Variants in SLC25A42 observed in about 807,000 individuals in gnomAD.
The protein encoded by SLC25A42 is mitochondrial coenzyme A transporter SLC25A42.
A neutral mutation model predicts 34.7 loss-of-function variants in SLC25A42; 19 were observed. The observed-to-expected ratio is 0.55, with a 90% CI of 0.38 to 0.80. The LOEUF (loss-of-function observed/expected upper bound fraction) is 0.80. SLC25A42 is among the 30% of genes least tolerant of loss of function. SLC25A42 has a pLI of 0.00. For synonymous variants in SLC25A42, 205 were observed against 191.2 expected, an observed-to-expected ratio of 1.07 and a Z score of -0.59; for missense variants, 364 against 441.3, an observed-to-expected ratio of 0.82 and a Z score of 1.57.
rs1173332303 is a variant in SLC25A42, at chr19:19,081,201, C to A, written c.-34-14890C>A. Among the ~76,000 whole-genome samples, 3 of 151,372 alleles carry A rather than the reference C, an allele frequency of 2.0e-5. No individual in the cohort carries two copies. The highest frequency in any genetic ancestry group is 2.0e-4 in the Admixed American group (3 of 15,204). ...AGAGGAAGGGAAGAAGGAGAAATAC[C>A]CTCCCCACAGACTTGTCATTGGGGC... On this transcript the variant is annotated intron_variant, in intron 1 of 7. Coordinates refer to ENST00000318596, the MANE Select transcript of SLC25A42 (RefSeq NM_178526.5). The surrounding 1 kb of genome is among the most constrained non-coding windows in gnomAD (Gnocchi z 4.5).
At chr19:19,096,442 G>T (rs79910741) in intron 2 of SLC25A42, among the ~76,000 whole-genome samples, 15,342 of 151,824 alleles carry the variant, frequency 0.1, 1,100 homozygotes, top group Middle Eastern at 0.17. Flanking sequence ...CTGCTCCCAC[G>T]GCCCCAAATA....
chr19:19,108,002 C>G lies in SLC25A42; in HGVS notation c.606C>G (p.Gly202=). The G allele has an allele frequency of 6.2e-7, 1 of 1,609,458 alleles. No individual in the cohort carries two copies. The highest frequency in any genetic ancestry group is 1.1e-5 in the South Asian group (1 of 90,446). ...PTVLGVIPYA[G]LSFFTYETLK... ...TGCTGGGGGTCATTCCCTACGCTGG[C>G]CTGAGCTTCTTCACCTATGAGACGC... Residue 202 remains glycine, a synonymous_variant, in exon 7 of 8, where the codon GGC becomes GGG. Transcript: ENST00000318596.
At position 19,109,426 on chromosome 19, in the gene SLC25A42, G is replaced by A. The variant is rs539827330; in HGVS notation, c.650-1143G>A. 3.7e-4 allele frequency among the ~76,000 whole-genome samples: 56 copies of A among 152,300 alleles called. No individual in the cohort carries two copies. The highest frequency in any genetic ancestry group is 1.1e-3 in the African/African-American group (47 of 41,564). ...GCCCACCTGGTGAGCAGATCACAGT[G>A]TCTCCTGTCTGGCTGTTTTTTTGAG... On this transcript the variant is annotated intron_variant, in intron 7 of 7. Transcript: ENST00000318596. This position sits in a 1 kb window ranked among gnomAD's most constrained non-coding sequence, Gnocchi z 4.1.
intron 1 of SLC25A42, among the ~76,000 whole-genome samples, chr19:19,078,123 A>G (rs1362437947): frequency 1.3e-5 from 2 of 152,118 alleles, no homozygotes; most frequent in Non-Finnish European, 2.9e-5. Context: ...GCAGGTCTTC[A>G]AAGCTCCCAG....
At chr19:19,074,075 C>T (rs1456869449) in intron 1 of SLC25A42, among the ~76,000 whole-genome samples, 1 of 152,228 alleles carries the variant, frequency 6.6e-6, no homozygotes, top group Non-Finnish European at 1.5e-5. Context: ...ATGTGAGTAC[C>T]ATTCAGTACC....
rs2059629533 is a variant in SLC25A42, at chr19:19,071,445, G to A, written c.-35+7330G>A. Among the ~76,000 whole-genome samples, 3 of 152,154 alleles carry A rather than the reference G, an allele frequency of 2.0e-5. No individual in the cohort carries two copies. In the South Asian group the frequency reaches 6.2e-4, roughly 32 times the overall value. The stretch of plus-strand genomic sequence containing the variant: ...CACCAAGTGATTGGAGTTCCATATT[G>A]GTCAGTCTTGAGGAGAAGCTGGGGT... On this transcript the variant is annotated intron_variant, in intron 1 of 7. Coordinates refer to ENST00000318596, the MANE Select transcript of SLC25A42 (RefSeq NM_178526.5).
intron 2 of SLC25A42, among the ~76,000 whole-genome samples, chr19:19,100,044 AAAAATAG>A (rs1181339476): frequency 4.0e-5 from 6 of 151,818 alleles, no homozygotes; most frequent in Non-Finnish European, 5.9e-5. Context: ...TGGTCATATT[AAAAATAG>A]CCCATTTCGG....
At chr19:19,073,071 G>T (rs866792212) in intron 1 of SLC25A42, among the ~76,000 whole-genome samples, 3 of 152,250 alleles carry the variant, frequency 2.0e-5, no homozygotes, top group Non-Finnish European at 4.4e-5. Context: ...AACACAGTGT[G>T]TGGTGGCAGG....
chr19:19,104,872 C>T, intron 3 of SLC25A42, 41 bp from the exon 4 acceptor site: 1 of 1,613,604 alleles, frequency 6.2e-7, no homozygotes, highest in Non-Finnish European at 8.5e-7. Context: ...GAGGTTCTGT[C>T]CTTTGCATCT....
At chr19:19,096,254 T>TCCCCCCCCCCCCCCCCCCCCCCCCCC in intron 2 of SLC25A42, 49 bp downstream of exon 2, 1 of 1,456,752 alleles carries the variant, frequency 6.9e-7, no homozygotes, top group Non-Finnish European at 9.4e-7. Context: ...GGCCCCAGCC[T>TCCCCCCCCCCCCCCCCCCCCCCCCCC]CCCCACCCCC....
chr19:19,080,098 G>A lies in SLC25A42; in HGVS notation c.-35+15983G>A, dbSNP rs571065288. On this transcript the variant is annotated intron_variant, in intron 1 of 7. Transcript: ENST00000318596. ...GATGGGTGGGAGTCAGGAGGAGAAC[G>A]GGTGTTCCGCATGTGTAGGCTTGTC... is the stretch of plus-strand genomic sequence containing the variant. Among the ~76,000 whole-genome samples, 4 of 152,308 alleles carry A rather than the reference G, an allele frequency of 2.6e-5. No homozygotes were observed. In the South Asian group the frequency reaches 6.2e-4, roughly 24 times the overall value.
In SLC25A42 at chr19:19,111,689, C is replaced by T. The variant is rs1439331435; in HGVS notation, c.*813C>T. ...GGGTCAGACCTGCATCCTGGGGCAT[C>T]TGCTGAAATGTGAGCACACAAACCA... On this transcript the variant is annotated 3_prime_UTR_variant, in exon 8 of 8. Coordinates refer to ENST00000318596, the MANE Select transcript of SLC25A42 (RefSeq NM_178526.5). 6.6e-6 allele frequency: 1 copy of T among 152,486 alleles called. No individual in the cohort carries two copies. The highest frequency in any genetic ancestry group is 2.4e-5 in the African/African-American group (1 of 41,464). 9.4% of individuals were successfully genotyped at this position (152,486 alleles called of 1,614,324 possible). A position where few individuals can be genotyped will look rare whatever the true frequency, so the allele number is the denominator to read the frequency against.
intron 1 of SLC25A42, among the ~76,000 whole-genome samples, chr19:19,074,043 A>G (rs1281290081): frequency 6.6e-6 from 1 of 152,204 alleles, no homozygotes; most frequent in East Asian, 1.9e-4. Flanking sequence ...CAGTTACTGA[A>G]GTAGACCCTC....
Position 19,110,849 on chromosome 19 carries a change from G to A in SLC25A42, c.930G>A (p.Gln310=). Residue 310 remains glutamine, a synonymous_variant, in exon 8 of 8, where the codon CAG becomes CAA. Coordinates refer to ENST00000318596, the MANE Select transcript of SLC25A42 (RefSeq NM_178526.5). The part of the protein sequence containing the change: ...GISFTTFDLM[Q]ILLRHLQS ...GCTTCACCACCTTCGACCTCATGCA[G>A]ATCCTGCTGCGGCACCTGCAGAGCT... The A allele has an allele frequency of 6.2e-7, 1 of 1,613,958 alleles. No individual in the cohort carries two copies. Among genetic ancestry groups the A allele is most frequent in the Non-Finnish European group, 8.5e-7 (1 of 1,180,020 alleles).
chr19:19,089,882 A>AAAAACAAAAAC (rs1472965232), intron 1 of SLC25A42, among the ~76,000 whole-genome samples: 2 of 152,156 alleles, frequency 1.3e-5, no homozygotes, highest in Non-Finnish European at 2.9e-5. Flanking sequence ...AAACAAAAAC[A>AAAAACAAAAAC]AAAAACACCT....
chr19:19,099,994 C>T (rs2059786028), intron 2 of SLC25A42, among the ~76,000 whole-genome samples: 1 of 151,802 alleles, frequency 6.6e-6, no homozygotes. Flanking sequence ...TCCCAAAGTG[C>T]TGAGATTATA....
intron 2 of SLC25A42, among the ~76,000 whole-genome samples, chr19:19,096,798 G>A (rs904365399): frequency 2.6e-5 from 4 of 152,078 alleles, no homozygotes; most frequent in Admixed American, 1.3e-4. Flanking sequence ...TTAGCCAGGC[G>A]TGGTGGTGCA....
chr19:19,093,043 C>A (rs748812809), intron 1 of SLC25A42, among the ~76,000 whole-genome samples: 1 of 151,946 alleles, frequency 6.6e-6, no homozygotes. Context: ...TTTTTTGAGA[C>A]CCAGTCTTGC....
chr19:19,112,089 T>G lies in SLC25A42; in HGVS notation c.*1213T>G, dbSNP rs1836965275. 1 of 152,168 alleles carries G rather than the reference T, an allele frequency of 6.6e-6. No homozygotes were observed. The highest frequency in any genetic ancestry group is 2.4e-5 in the African/African-American group (1 of 41,392). The allele number at this position is 152,168 out of a possible 1,614,324, so 9.4% of individuals were successfully genotyped here. On this transcript the variant is annotated 3_prime_UTR_variant, in exon 8 of 8. Coordinates refer to ENST00000318596, the MANE Select transcript of SLC25A42 (RefSeq NM_178526.5). The surrounding 1 kb of genome is among the most constrained non-coding windows in gnomAD (Gnocchi z 4.3). ...ATGGTGAGTTTCTTGATTTCTTTTT[T>G]TTGTTTGTTTTGTTTTGGTTTTCAA...
Sources: allele counts gnomAD v4.1 joint callset (sites outside exome capture counted in the v4.1 genomes callset), GRCh38; gene constraint gnomAD v4.1.1; non-coding constraint Gnocchi (gnomAD v3.1); transcripts MANE v1.5; gene names NCBI Gene and HGNC (gene_info 2026-07-23, HGNC 2026-07-21).